Variants in SORCS2 observed in about 807,000 individuals in gnomAD.
The protein encoded by SORCS2 is sortilin related VPS10 domain containing receptor 2.
Under a neutral mutation model 141.6 loss-of-function variants are expected in SORCS2, and 100 were observed. The observed-to-expected ratio is 0.71, with a 90% confidence interval of 0.60 to 0.83. The LOEUF (loss-of-function observed/expected upper bound fraction) is 0.83, where lower values mean the gene tolerates loss of function less well. Among genes scored for constraint, SORCS2 ranks in the 40% least tolerant of loss-of-function variants. SORCS2 has a pLI of 0.00. For synonymous variants in SORCS2, 789 were observed against 676.9 expected, an observed-to-expected ratio of 1.17 and a Z score of -2.57; for missense variants, 1,646 against 1,560.2, an observed-to-expected ratio of 1.05 and a Z score of -0.93.
chr4:7,619,550 T>C (rs564044114), intron 3 of SORCS2, among the ~76,000 whole-genome samples: 408 of 152,180 alleles, frequency 2.7e-3, no homozygotes, highest in African/African-American at 9.3e-3. Flanking sequence ...GCCCTGGAAT[T>C]GGTATTAGGC....
In SORCS2 at chr4:7,715,421, G is replaced by C. The variant is rs941746672; in HGVS notation, c.2252+110G>C. ...GCCTGCAGCTCCCAACTCCCAAGTG[G>C]AGTCGGGGAAAGAGAGGTCAAAGTT... On this transcript the variant is annotated intron_variant, in intron 17 of 26. Coordinates refer to ENST00000507866, the MANE Select transcript of SORCS2 (RefSeq NM_020777.3). 3.3e-5 allele frequency: 50 copies of C among 1,495,890 alleles called. 1 individual carries two copies. The highest frequency in any genetic ancestry group is 9.0e-5 in the South Asian group (7 of 77,734). 92.7% of individuals were successfully genotyped at this position (1,495,890 alleles called of 1,614,324 possible). A position where few individuals can be genotyped will look rare whatever the true frequency, so the allele number is the denominator to read the frequency against.
chr4:7,676,295 C>A, intron 9 of SORCS2, 66 bp downstream of exon 9: 1 of 1,480,866 alleles, frequency 6.8e-7, no homozygotes, highest in Non-Finnish European at 9.1e-7. Context: ...TCTCACCCCA[C>A]CTCTTCCTCC....
chr4:7,252,477 A>G (rs1713573363), intron 1 of SORCS2, among the ~76,000 whole-genome samples: 1 of 152,228 alleles, frequency 6.6e-6, no homozygotes, highest in Non-Finnish European at 1.5e-5. Flanking sequence ...GAATGTTCCT[A>G]TGATGGTTGA....
At chr4:7,607,060 G>A (rs1337486358) in intron 3 of SORCS2, among the ~76,000 whole-genome samples, 6 of 152,092 alleles carry the variant, frequency 3.9e-5, no homozygotes, top group South Asian at 2.1e-4. Context: ...GAAAGCCCCC[G>A]TCAATTTTTC....
intron 12 of SORCS2, among the ~76,000 whole-genome samples, chr4:7,697,924 C>T (rs1314213668): frequency 6.6e-6 from 1 of 152,188 alleles, no homozygotes; most frequent in Admixed American, 6.5e-5. Flanking sequence ...GGCAGGGTCC[C>T]TCTGTGCTCC....
At chr4:7,385,151 G>A (rs1393747268) in intron 1 of SORCS2, among the ~76,000 whole-genome samples, 2 of 152,254 alleles carry the variant, frequency 1.3e-5, no homozygotes, top group Admixed American at 6.5e-5. Flanking sequence ...GGTGGGCAGC[G>A]GCATTGGCAG....
chr4:7,361,750 T>G (rs975289381), intron 1 of SORCS2, among the ~76,000 whole-genome samples: 2 of 151,656 alleles, frequency 1.3e-5, no homozygotes, highest in Admixed American at 1.3e-4. Flanking sequence ...TAAACTGACC[T>G]TCACACAGTG....
chr4:7,473,463 G>C (rs28494591), intron 2 of SORCS2, among the ~76,000 whole-genome samples: 19,843 of 151,932 alleles, frequency 0.13, 1,735 homozygotes, highest in South Asian at 0.24. Flanking sequence ...GGTTGGGAAG[G>C]GCTGAGGGGC....
intron 2 of SORCS2, among the ~76,000 whole-genome samples, chr4:7,530,385 G>T (rs899044567): frequency 1.3e-5 from 2 of 152,164 alleles, no homozygotes; most frequent in African/African-American, 4.8e-5. Flanking sequence ...GCCCAAGCTG[G>T]AGAGTTGCCC....
chr4:7,272,632 C>A (rs1715219946), intron 1 of SORCS2, among the ~76,000 whole-genome samples: 1 of 152,210 alleles, frequency 6.6e-6, no homozygotes, highest in South Asian at 2.1e-4. Context: ...GGAGAGCTGG[C>A]CTGGGAAGCA....
intron 3 of SORCS2, among the ~76,000 whole-genome samples, chr4:7,588,514 T>G (rs1380554521): frequency 6.6e-6 from 1 of 152,142 alleles, no homozygotes; most frequent in Non-Finnish European, 1.5e-5. Flanking sequence ...GAGACCCAGT[T>G]TTGAATCTGC....
chr4:7,388,894 G>A (rs1723671636), intron 1 of SORCS2, among the ~76,000 whole-genome samples: 1 of 76,168 alleles, frequency 1.3e-5, no homozygotes. Flanking sequence ...GTCTCTGGTT[G>A]TTGTGGTGTT....
At chr4:7,274,036 C>T (rs992037238) in intron 1 of SORCS2, among the ~76,000 whole-genome samples, 5 of 152,230 alleles carry the variant, frequency 3.3e-5, no homozygotes, top group Admixed American at 6.5e-5. Flanking sequence ...TCTAGGTTTG[C>T]AAACACATGT....
intron 2 of SORCS2, among the ~76,000 whole-genome samples, chr4:7,472,972 T>C (rs778922213): frequency 7.9e-5 from 12 of 152,230 alleles, no homozygotes; most frequent in South Asian, 2.1e-4. Context: ...CTACATCTTA[T>C]TTCATTGATT....
intron 2 of SORCS2, among the ~76,000 whole-genome samples, chr4:7,509,907 C>T (rs1480916084): frequency 6.6e-6 from 1 of 152,228 alleles, no homozygotes; most frequent in Non-Finnish European, 1.5e-5. Context: ...CCACAGGCAG[C>T]TGCTTCAGGG....
intron 2 of SORCS2, among the ~76,000 whole-genome samples, chr4:7,512,808 A>C (rs758949763): frequency 8.5e-5 from 13 of 152,102 alleles, no homozygotes; most frequent in Non-Finnish European, 1.3e-4. Flanking sequence ...ACCAGTGGAC[A>C]CATGGGCCCC....
chr4:7,372,919 T>C (rs562084739), intron 1 of SORCS2, among the ~76,000 whole-genome samples: 6 of 152,086 alleles, frequency 3.9e-5, no homozygotes, highest in African/African-American at 7.2e-5. Context: ...TTCGTGCCTC[T>C]TTGGTGCAAC....
Position 7,682,811 on chromosome 4 carries a change from C to T in SORCS2, c.1410C>T (p.Thr470=), listed in dbSNP as rs1560480326. Residue 470 remains threonine (T), a synonymous_variant, in exon 10 of 27, where the codon ACC becomes ACT. Coordinates refer to ENST00000507866, the MANE Select transcript of SORCS2 (RefSeq NM_020777.3). The part of the protein sequence containing the change: ...KIDGKVMTLI[T]YNKGRDWDYL... The stretch of plus-strand genomic sequence containing the variant: ...ATGGGAAAGTGATGACGCTTATAAC[C>T]TACAACAAGGGCCGCGACTGGGATT... 1.2e-6 allele frequency: 2 copies of T among 1,613,034 alleles called. No homozygotes were observed. The highest frequency in any genetic ancestry group is 1.1e-5 in the South Asian group (1 of 90,770).
At chr4:7,398,853 C>A (rs976982428) in intron 2 of SORCS2, among the ~76,000 whole-genome samples, 3 of 152,076 alleles carry the variant, frequency 2.0e-5, no homozygotes, top group Non-Finnish European at 4.4e-5. Context: ...TCATTTTGTT[C>A]CCTGGAATGA....
Sources: gnomAD v4.1 joint callset for allele counts (sites outside exome capture counted in the v4.1 genomes callset) on GRCh38, gnomAD v4.1.1 for gene constraint, MANE v1.5 for transcripts, NCBI Gene and HGNC (gene_info 2026-07-23, HGNC 2026-07-21) for gene names.